SLC6A5: variants seen among roughly 807,000 people sequenced by gnomAD.
SLC6A5 encodes the protein sodium- and chloride-dependent glycine transporter 2.
In SLC6A5, 58 loss-of-function variants were observed where a neutral mutation model predicts 90.5. That is an observed-to-expected ratio of 0.64 (90% confidence interval 0.52 to 0.80). The LOEUF (loss-of-function observed/expected upper bound fraction) is 0.80. Among genes scored for constraint, SLC6A5 ranks in the 30% least tolerant of loss-of-function variants. The probability of loss-of-function intolerance (pLI) is 0.00; values close to 1 mark genes in which losing one functional copy is unlikely to be tolerated. For missense variants in SLC6A5, 1,015 were observed against 1,017.6 expected (o/e 1.00, Z 0.03); for synonymous variants, 427 against 401.4 (o/e 1.06, Z -0.76).
At chr11:20,641,503 AAAC>A (rs1016646992) in intron 13 of SLC6A5, among the ~76,000 whole-genome samples, 4 of 152,210 alleles carry the variant, frequency 2.6e-5, no homozygotes, top group African/African-American at 9.6e-5. Flanking sequence ...AACCCCCCAA[AAAC>A]AACAAAACAA....
intron 7 of SLC6A5, among the ~76,000 whole-genome samples, chr11:20,625,068 G>A (rs1852966668): frequency 6.6e-6 from 1 of 152,178 alleles, no homozygotes; most frequent in Admixed American, 6.5e-5. Context: ...AAGTGCTGGA[G>A]TCAGAATTTG....
At chr11:20,638,958 G>C (rs781305444) in intron 13 of SLC6A5, among the ~76,000 whole-genome samples, 2 of 152,062 alleles carry the variant, frequency 1.3e-5, no homozygotes, top group Non-Finnish European at 2.9e-5. Flanking sequence ...CTTTGTAGCT[G>C]GTCCCTGGGT....
intron 13 of SLC6A5, among the ~76,000 whole-genome samples, chr11:20,645,837 G>A (rs551844952): frequency 1.4e-3 from 212 of 152,062 alleles, no homozygotes; most frequent in African/African-American, 4.7e-3. Context: ...GGGTTTCACC[G>A]TGTTAGACGG....
Position 20,647,012 on chromosome 11 carries a change from C to G in SLC6A5, c.2070+78C>G. 3.1e-6 allele frequency: 3 copies of G among 962,488 alleles called. No homozygotes were observed. The South Asian group carries it at 3.9e-5, about 12-fold the overall frequency. 59.6% of individuals were successfully genotyped at this position (962,488 alleles called of 1,614,324 possible). On this transcript the variant is annotated intron_variant, in intron 14 of 15. Transcript: ENST00000525748. ...GTGTTTTACATTTGAACAGTGCATG[C>G]CTGTTTACATTTGAACAGTGTGTGA...
rs10766710 is a variant in SLC6A5 at position 20,646,557 on chromosome 11, C to T, written c.1970-277C>T. Among the ~76,000 whole-genome samples the T allele has an allele frequency of 0.45, 69,004 of 152,046 alleles. 17,222 individuals are homozygous for T. The highest frequency in any genetic ancestry group is 0.84 in the East Asian group (4,351 of 5,172). The stretch of plus-strand genomic sequence containing the variant: ...AGCAATGCTGAGAGTCTGGGCCAGG[C>T]TGGAACTGAACTTTTTAGATGTCAC... On this transcript the variant is annotated intron_variant, in intron 13 of 15. Transcript: ENST00000525748.
At chr11:20,641,687 T>A (rs1316342015) in intron 13 of SLC6A5, among the ~76,000 whole-genome samples, 1 of 152,194 alleles carries the variant, frequency 6.6e-6, no homozygotes, top group Non-Finnish European at 1.5e-5. Context: ...ACTCAGTAAA[T>A]TTTAGGAATG....
Position 20,604,270 on chromosome 11 carries a change from G to A in SLC6A5, c.541-16G>A, listed in dbSNP as rs1279583507. 1.2e-6 allele frequency: 2 copies of A among 1,604,168 alleles called. No homozygotes were observed. Among genetic ancestry groups the A allele is most frequent in the South Asian group, 2.2e-5 (2 of 90,122 alleles). ...TACTCGGGGCTGTTATCGACAATGTGCTTTTCCGCCCCCAGGAGGACGAGC... is the reference window on the plus strand; with the variant it reads ...TACTCGGGGCTGTTATCGACAATGTACTTTTCCGCCCCCAGGAGGACGAGC... On this transcript the variant is annotated splice_polypyrimidine_tract_variant and intron_variant, in intron 2 of 15. Transcript: ENST00000525748.
intron 10 of SLC6A5, among the ~76,000 whole-genome samples, chr11:20,633,635 G>A (rs907914544): frequency 6.6e-6 from 1 of 152,178 alleles, no homozygotes. Flanking sequence ...CTGAAATGAA[G>A]AGCCCCTTTG....
chr11:20,630,949 C>T (rs936878497), intron 10 of SLC6A5, 134 bp downstream of exon 10: 42 of 975,510 alleles, frequency 4.3e-5, no homozygotes, highest in Non-Finnish European at 6.0e-5. Context: ...TCCTTCTTTA[C>T]AGAGGGACCA....
intron 15 of SLC6A5, among the ~76,000 whole-genome samples, chr11:20,654,291 T>C (rs1590185936): frequency 1.3e-5 from 2 of 152,200 alleles, no homozygotes; most frequent in East Asian, 3.8e-4. Flanking sequence ...GATGTAGCAA[T>C]CCACTGTTGA....
intron 5 of SLC6A5, among the ~76,000 whole-genome samples, chr11:20,610,653 T>A (rs1175215162): frequency 6.6e-6 from 1 of 152,234 alleles, no homozygotes; most frequent in East Asian, 1.9e-4. Flanking sequence ...AACAAAAGCT[T>A]TCCTGGTAAA....
At position 20,655,482 on chromosome 11, in the gene SLC6A5, C is replaced by T. The variant is rs561537977; in HGVS notation, c.*614C>T. On this transcript the variant is annotated 3_prime_UTR_variant, in exon 16 of 16. Transcript: ENST00000525748. The stretch of plus-strand genomic sequence containing the variant: ...GTTTGGATCAGCAATCTCCAGTTAC[C>T]ACTAACTCAGATGCTACAGTCTACA... 1.9e-5 allele frequency: 3 copies of T among 158,182 alleles called. No individual in the cohort carries two copies. The South Asian group carries it at 5.5e-4, about 29-fold the overall frequency. 9.8% of individuals were successfully genotyped at this position (158,182 alleles called of 1,614,324 possible).
chr11:20,608,948 CTCTCTCTCTCTGTGTGTGTGTGTG>C (rs1175857503), intron 5 of SLC6A5, among the ~76,000 whole-genome samples: 38 of 74,404 alleles, frequency 5.1e-4, no homozygotes, highest in Middle Eastern at 0.013. Flanking sequence ...CTCTCTCTCT[CTCTCTCTCTCTGTGTGTGTGTGTG>C]TGTGTGTGTG....
chr11:20,604,548 A>G (rs1371930939), intron 3 of SLC6A5, 124 bp downstream of exon 3: 2 of 1,198,740 alleles, frequency 1.7e-6, no homozygotes, highest in Non-Finnish European at 2.4e-6. Flanking sequence ...CTTAGGCTCC[A>G]GCCCTACACC....
intron 7 of SLC6A5, among the ~76,000 whole-genome samples, chr11:20,622,969 G>C (rs74560791): frequency 8.5e-5 from 13 of 152,204 alleles, no homozygotes; most frequent in African/African-American, 2.9e-4. Flanking sequence ...GCCCTGAGAC[G>C]TCAGATGCCC....
In SLC6A5 at chr11:20,604,249, C is replaced by G. The variant is rs747381402; in HGVS notation, c.541-37C>G. 9 of 1,582,912 alleles carry G rather than the reference C, an allele frequency of 5.7e-6. No individual in the cohort carries two copies. The South Asian group carries it at 8.1e-5, about 14-fold the overall frequency. On this transcript the variant is annotated intron_variant, in intron 2 of 15. Transcript: ENST00000525748. ...GAAGGGGCCTGCTTGTGGACCTACT[C>G]GGGGCTGTTATCGACAATGTGCTTT...
In SLC6A5 at chr11:20,659,003, T is replaced by A. The variant is rs1291822685; in HGVS notation, c.*4135T>A. On this transcript the variant is annotated 3_prime_UTR_variant, in exon 16 of 16. Coordinates refer to ENST00000525748, the MANE Select transcript of SLC6A5 (RefSeq NM_004211.5). The stretch of plus-strand genomic sequence containing the variant: ...ATGTTCCCTAATCAGGTCCTTATAT[T>A]TTTCCATTAACTATACATGAAGAAA... 4.0e-5 allele frequency: 6 copies of A among 151,160 alleles called. No individual in the cohort carries two copies. In the East Asian group the frequency reaches 1.2e-3, roughly 29 times the overall value. 9.4% of individuals were successfully genotyped at this position (151,160 alleles called of 1,614,324 possible). A position where few individuals can be genotyped will look rare whatever the true frequency, so the allele number is the denominator to read the frequency against.
chr11:20,639,960 T>C (rs781213808), intron 13 of SLC6A5, among the ~76,000 whole-genome samples: 19 of 152,206 alleles, frequency 1.2e-4, no homozygotes, highest in African/African-American at 4.6e-4. Flanking sequence ...CCTGCAGTGA[T>C]TGAAGACCTG....
chr11:20,612,458 T>C (rs1383014969), intron 5 of SLC6A5, among the ~76,000 whole-genome samples: 1 of 152,202 alleles, frequency 6.6e-6, no homozygotes, highest in Non-Finnish European at 1.5e-5. Flanking sequence ...TTGCCCTCTA[T>C]GCTCTTCCAC....
Sources: gnomAD v4.1 joint callset for allele counts (sites outside exome capture counted in the v4.1 genomes callset) on GRCh38, gnomAD v4.1.1 for gene constraint, MANE v1.5 for transcripts, NCBI Gene and HGNC (gene_info 2026-07-23, HGNC 2026-07-21) for gene names.